The following EXOC6 variants were observed in gnomAD, a reference collection of about 807,000 sequenced individuals.
EXOC6 encodes SEC15-like 1.
EXOC6 carries 60 observed loss-of-function variants against 112.5 expected under a neutral mutation model. The ratio of observed to expected loss-of-function variants is 0.53; its 90% CI spans 0.43 to 0.66. The LOEUF is 0.66. EXOC6 is among the 30% of genes least tolerant of loss of function. The probability of loss-of-function intolerance (pLI) is 0.00; values close to 1 mark genes in which losing one functional copy is unlikely to be tolerated. For synonymous variants in EXOC6, 295 were observed against 308.0 expected (o/e 0.96, Z 0.44); for missense variants, 855 against 957.1 (o/e 0.89, Z 1.41).
chr10:92,916,459 G>A (rs1431582293), intron 7 of EXOC6, among the ~76,000 whole-genome samples: 1 of 152,064 alleles, frequency 6.6e-6, no homozygotes, highest in Non-Finnish European at 1.5e-5. Context: ...GTAGTGAGCC[G>A]ACATTGTGCC....
chr10:92,850,897 G>A (rs1220510182), intron 1 of EXOC6, among the ~76,000 whole-genome samples: 2 of 151,870 alleles, frequency 1.3e-5, no homozygotes, highest in Non-Finnish European at 2.9e-5. Context: ...CTTTCCGCAG[G>A]CCCTGACATA....
intron 17 of EXOC6, among the ~76,000 whole-genome samples, chr10:92,972,094 C>A (rs951800536): frequency 2.0e-5 from 3 of 152,202 alleles, no homozygotes; most frequent in East Asian, 3.8e-4. Flanking sequence ...AAGCCTGGAA[C>A]CTGTAAGTCC....
chr10:92,996,573 C>T (rs533938928), intron 18 of EXOC6, among the ~76,000 whole-genome samples: 7 of 149,842 alleles, frequency 4.7e-5, no homozygotes, highest in Admixed American at 2.0e-4. Flanking sequence ...GCCGAGATTG[C>T]GCCAGCCCTG....
intron 20 of EXOC6, among the ~76,000 whole-genome samples, chr10:93,034,589 TTG>T (rs1403071399): frequency 6.6e-6 from 1 of 152,186 alleles, no homozygotes; most frequent in Non-Finnish European, 1.5e-5. Flanking sequence ...TATGAAGGAA[TTG>T]TTTGGCCAGA....
At chr10:92,882,404 C>A (rs2133772360) in intron 1 of EXOC6, among the ~76,000 whole-genome samples, 1 of 151,986 alleles carries the variant, frequency 6.6e-6, no homozygotes, top group South Asian at 2.1e-4. Context: ...AATAGCCAGG[C>A]ATGATGGCAG....
chr10:92,962,435 G>T (rs1854057382), intron 17 of EXOC6, among the ~76,000 whole-genome samples: 1 of 151,866 alleles, frequency 6.6e-6, no homozygotes, highest in African/African-American at 2.4e-5. Context: ...TGTCATCCAG[G>T]TTAGAGTGCA....
At chr10:92,922,739 T>C (rs922663542) in intron 8 of EXOC6, among the ~76,000 whole-genome samples, 1 of 152,218 alleles carries the variant, frequency 6.6e-6, no homozygotes, top group Non-Finnish European at 1.5e-5. Flanking sequence ...TCTCTGACTT[T>C]ACTTAGCTGG....
In EXOC6 at chr10:92,936,767, C is replaced by T. The variant is rs552560531; in HGVS notation, c.1212+882C>T. Among the ~76,000 whole-genome samples, 38 of 152,246 alleles carry T rather than the reference C, an allele frequency of 2.5e-4. 1 individual carries two copies. The South Asian group carries it at 3.1e-3, about 12-fold the overall frequency. The stretch of plus-strand genomic sequence containing the variant: ...CACCTGGATATTAGAAACAATATTA[C>T]GGGGTGGGGTGTGTACACCCTCTGT... On this transcript the variant is annotated intron_variant, in intron 12 of 21. Transcript: ENST00000260762.
upstream of EXOC6, among the ~76,000 whole-genome samples, chr10:92,847,185 C>T (rs1847081321): frequency 6.6e-6 from 1 of 152,226 alleles, no homozygotes; most frequent in Non-Finnish European, 1.5e-5. Flanking sequence ...TTTTAAGCTA[C>T]TCAATTTGTG....
chr10:92,945,313 C>A, intron 13 of EXOC6, among the ~76,000 whole-genome samples: 1 of 152,172 alleles, frequency 6.6e-6, no homozygotes, highest in South Asian at 2.1e-4. Context: ...TATTTTCTCC[C>A]AGTCTGTAAC....
intron 15 of EXOC6, 59 bp downstream of exon 15, chr10:92,952,441 T>C (rs1463729227): frequency 1.9e-6 from 2 of 1,058,856 alleles, no homozygotes; most frequent in Non-Finnish European, 2.9e-6. Flanking sequence ...ATTAATACTT[T>C]ATTTTTATGC....
At chr10:92,946,839 A>T (rs1157715679) in intron 13 of EXOC6, among the ~76,000 whole-genome samples, 2 of 152,086 alleles carry the variant, frequency 1.3e-5, no homozygotes, top group Admixed American at 6.5e-5. Flanking sequence ...CTACAGGACT[A>T]CTCACTTCTC....
At chr10:93,003,633 T>C (rs771901559) in intron 19 of EXOC6, among the ~76,000 whole-genome samples, 3 of 152,218 alleles carry the variant, frequency 2.0e-5, no homozygotes, top group Non-Finnish European at 4.4e-5. Context: ...GTTTGTTATA[T>C]ACTGGGAAAT....
chr10:92,882,709 G>T (rs953352898), intron 1 of EXOC6, among the ~76,000 whole-genome samples: 2 of 152,074 alleles, frequency 1.3e-5, no homozygotes, highest in Non-Finnish European at 2.9e-5. Context: ...TCACATGGTT[G>T]TTACTGAAAT....
chr10:93,056,781 A>AT (rs1564945696), intron 20 of EXOC6, 143 bp from the exon 21 acceptor site: 2 of 596,472 alleles, frequency 3.4e-6, no homozygotes, highest in African/African-American at 4.0e-5. Flanking sequence ...AGTACAGTTA[A>AT]TGAAGTTTTA....
At chr10:92,900,675 A>C (rs762130493) in intron 5 of EXOC6, 1 of 151,712 alleles carries the variant, frequency 6.6e-6, no homozygotes, top group Non-Finnish European at 1.5e-5. Context: ...AAAAAAAAAA[A>C]CAGATATCAC....
In EXOC6 at chr10:92,827,856, G is replaced by A. The variant is rs372798174; in HGVS notation, c.-27+912G>A. ...CAACGCTGACCTCTGGCTCCACTGG[G>A]TTTGGGAACTCTCATTCTGCCTTTC... On this transcript the variant is annotated intron_variant, in intron 1 of 22. Coordinates refer to the EXOC6 transcript ENST00000671701. Among the ~76,000 whole-genome samples, 70 of 152,256 alleles carry A rather than the reference G, an allele frequency of 4.6e-4. 1 individual carries two copies. The highest frequency in any genetic ancestry group is 1.7e-3 in the African/African-American group (69 of 41,542).
rs182460605 is a variant in EXOC6, at chr10:92,918,285, A to G, written c.820-1697A>G. 7.0e-4 allele frequency among the ~76,000 whole-genome samples: 107 copies of G among 152,288 alleles called. 1 individual carries two copies. The highest frequency in any genetic ancestry group is 3.3e-3 in the Admixed American group (50 of 15,304). On this transcript the variant is annotated intron_variant, in intron 7 of 21. Coordinates refer to ENST00000260762, the MANE Select transcript of EXOC6 (RefSeq NM_019053.6). ...TTAATTTATAAGTTTTGCCTTGCCA[A>G]TGAGATTTTAAATTCTTTTTCTAAG...
chr10:92,958,372 C>T (rs1853807199), intron 17 of EXOC6, among the ~76,000 whole-genome samples: 1 of 152,212 alleles, frequency 6.6e-6, no homozygotes, highest in African/African-American at 2.4e-5. Flanking sequence ...AACTTGGCTC[C>T]AAGGAGCTTT....
Sources: allele counts gnomAD v4.1 joint callset (sites outside exome capture counted in the v4.1 genomes callset), GRCh38; gene constraint gnomAD v4.1.1; transcripts MANE v1.5; gene names NCBI Gene and HGNC (gene_info 2026-07-23, HGNC 2026-07-21).